Variants in RNF138 observed in about 807,000 individuals in gnomAD.
RNF138 encodes the protein E3 ubiquitin-protein ligase RNF138.
A neutral mutation model predicts 31.0 loss-of-function variants in RNF138; 12 were observed. The ratio of observed to expected loss-of-function variants is 0.39; its 90% CI spans 0.25 to 0.63. The LOEUF is 0.63. RNF138 is among the 20% of genes least tolerant of loss of function. RNF138 has a pLI of 0.52. For missense variants in RNF138, 192 were observed against 300.1 expected (o/e 0.64, Z 2.66); for synonymous variants, 105 against 99.5 (o/e 1.06, Z -0.33).
chr18:32,112,254 C>T (rs1004392625), intron 3 of RNF138, among the ~76,000 whole-genome samples: 7 of 152,122 alleles, frequency 4.6e-5, no homozygotes, highest in Non-Finnish European at 8.8e-5. Flanking sequence ...ACAAATTCAC[C>T]CCTTAAGTTT....
intron 2 of RNF138, among the ~76,000 whole-genome samples, chr18:32,101,238 A>G (rs1410537092): frequency 6.7e-6 from 1 of 148,262 alleles, no homozygotes; most frequent in African/African-American, 2.5e-5. Context: ...TTTCAAAGAC[A>G]GAGTCTGGCT....
In RNF138 at chr18:32,131,513, T is replaced by TAA. The variant is rs1302355088; in HGVS notation, c.*2327_*2328insAA. On this transcript the variant is annotated 3_prime_UTR_variant, in exon 8 of 8. Transcript: ENST00000261593. Reference sequence around the variant, plus strand: ...CAGTTTTATTGTTAAAACAGAGTCTTATTTGAGATGTATTGCTTTATTTTT... The same window carrying TAA: ...CAGTTTTATTGTTAAAACAGAGTCTTAAATTTGAGATGTATTGCTTTATTTTT... 6.6e-6 allele frequency: 1 copy of TAA among 152,214 alleles called. No homozygotes were observed. Among genetic ancestry groups the TAA allele is most frequent in the Non-Finnish European group, 1.5e-5 (1 of 68,016 alleles). The allele number at this position is 152,214 out of a possible 1,614,324, so 9.4% of individuals were successfully genotyped here.
rs778679208 is a variant in RNF138 at position 32,113,857 on chromosome 18, A to G, written c.389A>G (p.Asn130Ser). 6 of 1,387,002 alleles carry G rather than the reference A, an allele frequency of 4.3e-6. No homozygotes were observed. The highest frequency in any genetic ancestry group is 6.0e-6 in the Non-Finnish European group (6 of 1,002,130). The allele number at this position is 1,387,002 out of a possible 1,614,324, so 85.9% of individuals were successfully genotyped here. A position where few individuals can be genotyped will look rare whatever the true frequency, so the allele number is the denominator to read the frequency against. Residue 130 changes from asparagine (N) to serine (S), a missense_variant, in exon 4 of 8, where the codon AAC becomes AGC. Asn to Ser is a conservative substitution (Grantham distance 46, BLOSUM62 1). Coordinates refer to ENST00000261593, the MANE Select transcript of RNF138 (RefSeq NM_016271.5). ...CAGATCTCTCAAGATTCAGTAGGGA[A>G]CAGGTAAGCAATACTTATTCCTAAA... Reference protein sequence around the residue: ...NFQISQDSVGNSNRSETSTSD... With the variant: ...NFQISQDSVGSSNRSETSTSD...
rs377116014 is a variant in RNF138, at chr18:32,126,165, C to T, written c.562-528C>T. ...ATCCCAGCACTTTGGGAGGCCAAGGCGGGAGGATTGCTTGAGCTCAGGAAT... is the reference window on the plus strand; with the variant it reads ...ATCCCAGCACTTTGGGAGGCCAAGGTGGGAGGATTGCTTGAGCTCAGGAAT... On this transcript the variant is annotated intron_variant, in intron 6 of 7. Transcript: ENST00000261593. 7.9e-5 allele frequency among the ~76,000 whole-genome samples: 12 copies of T among 151,480 alleles called. No homozygotes were observed. The East Asian group carries it at 9.9e-4, about 12-fold the overall frequency.
chr18:32,106,548 T>TTTTATTTTATTTA (rs2040031402), intron 2 of RNF138, among the ~76,000 whole-genome samples: 1 of 146,804 alleles, frequency 6.8e-6, no homozygotes, highest in African/African-American at 2.5e-5. Flanking sequence ...TTTTATTTTA[T>TTTTATTTTATTTA]TTTATTTATT....
chr18:32,115,424 G>A (rs1019495290), intron 4 of RNF138, among the ~76,000 whole-genome samples: 4 of 151,864 alleles, frequency 2.6e-5, no homozygotes, highest in African/African-American at 7.2e-5. Flanking sequence ...ACATTCTATC[G>A]CCAAAGTAAT....
chr18:32,116,541 A>C (rs1219218816), intron 4 of RNF138, among the ~76,000 whole-genome samples: 1 of 149,506 alleles, frequency 6.7e-6, no homozygotes, highest in African/African-American at 2.5e-5. Flanking sequence ...TAAATTTTTA[A>C]ATTTATTTTG....
intron 2 of RNF138, among the ~76,000 whole-genome samples, chr18:32,099,850 T>C (rs1338700483): frequency 5.9e-5 from 9 of 152,240 alleles, no homozygotes; most frequent in Non-Finnish European, 1.0e-4. Flanking sequence ...CCTACTAATA[T>C]ATCGTTTCAC....
At position 32,131,305 on chromosome 18, in the gene RNF138, CT is replaced by C. The variant is rs1279400438; in HGVS notation, c.*2119del. ...TGAAAATGATTGTTTAAAATTTCCC[CT>C]CTTTTTGTCAGTGCATTGGGAATAG... On this transcript the variant is annotated 3_prime_UTR_variant, in exon 8 of 8. Transcript: ENST00000261593. 2.9e-5 allele frequency: 4 copies of C among 136,148 alleles called. No homozygotes were observed. The East Asian group carries it at 9.2e-4, about 31-fold the overall frequency. 8.4% of individuals were successfully genotyped at this position (136,148 alleles called of 1,614,324 possible). A position where few individuals can be genotyped will look rare whatever the true frequency, so the allele number is the denominator to read the frequency against.
chr18:32,124,369 A>T (rs1339840467), intron 5 of RNF138: 2 of 168,240 alleles, frequency 1.2e-5, no homozygotes, highest in African/African-American at 4.8e-5. Flanking sequence ...GTGGAATACT[A>T]CAGAATATTA....
At position 32,113,868 on chromosome 18, in the gene RNF138, A is replaced by G. The variant is rs747859034; in HGVS notation, c.392+8A>G. 9.7e-6 allele frequency: 12 copies of G among 1,240,078 alleles called. No homozygotes were observed. The highest frequency in any genetic ancestry group is 1.4e-5 in the Non-Finnish European group (12 of 871,236). The allele number at this position is 1,240,078 out of a possible 1,614,324, so 76.8% of individuals were successfully genotyped here. On this transcript the variant is annotated splice_region_variant and intron_variant, in intron 4 of 7. Coordinates refer to ENST00000261593, the MANE Select transcript of RNF138 (RefSeq NM_016271.5). ...AGATTCAGTAGGGAACAGGTAAGCA[A>G]TACTTATTCCTAAATACAGAATTTT...
At chr18:32,106,548 T>TTTTATTTATTTATTTA (rs58517415) in intron 2 of RNF138, among the ~76,000 whole-genome samples, 1 of 146,804 alleles carries the variant, frequency 6.8e-6, no homozygotes, top group African/African-American at 2.5e-5. Context: ...TTTTATTTTA[T>TTTTATTTATTTATTTA]TTTATTTATT....
intron 4 of RNF138, among the ~76,000 whole-genome samples, chr18:32,119,559 G>C (rs1193503135): frequency 1.3e-5 from 2 of 152,176 alleles, no homozygotes; most frequent in African/African-American, 4.8e-5. Context: ...GAGTAGCTGG[G>C]ACTACAGGCA....
chr18:32,112,729 A>G (rs1373252556), intron 3 of RNF138, among the ~76,000 whole-genome samples: 1 of 152,250 alleles, frequency 6.6e-6, no homozygotes, highest in East Asian at 1.9e-4. Context: ...GTTAATTTTA[A>G]GGAACATGTA....
chr18:32,093,947 T>C (rs1414286163), intron 2 of RNF138, among the ~76,000 whole-genome samples: 1 of 152,126 alleles, frequency 6.6e-6, no homozygotes, highest in Non-Finnish European at 1.5e-5. Context: ...GAAATCTTTA[T>C]TTATTTATTT....
At chr18:32,109,635 C>CCCAA in intron 2 of RNF138, 1 of 152,374 alleles carries the variant, frequency 6.6e-6, no homozygotes, top group East Asian at 1.9e-4. Flanking sequence ...CGCCTGTAAT[C>CCCAA]CCAACACTTT....
chr18:32,092,583 C>CTGCGCCTACT, intron 1 of RNF138, 117 bp from the exon 2 acceptor site: 1 of 578,398 alleles, frequency 1.7e-6, no homozygotes, highest in Non-Finnish European at 3.1e-6. Flanking sequence ...GCCTCTTGCC[C>CTGCGCCTACT]GGCGCGTGCG....
chr18:32,123,576 TA>T lies in RNF138; in HGVS notation c.449+4del. On this transcript the variant is annotated splice_donor_region_variant and intron_variant, in intron 5 of 7. Transcript: ENST00000261593. ...AGAAACTTACCAAGAGAATACAAGG[TA>T]AGCTTTTGAAAAATCCTGCCACTTT... The T allele has an allele frequency of 6.3e-7, 1 of 1,580,308 alleles. No homozygotes were observed. The highest frequency in any genetic ancestry group is 1.8e-5 in the Admixed American group (1 of 54,938).
chr18:32,120,864 C>T (rs1280225498), intron 4 of RNF138, among the ~76,000 whole-genome samples: 1 of 152,164 alleles, frequency 6.6e-6, no homozygotes, highest in African/African-American at 2.4e-5. Flanking sequence ...ATAGTACTGG[C>T]TGGGGGCGGT....
Sources: gnomAD v4.1 joint callset for allele counts (sites outside exome capture counted in the v4.1 genomes callset) on GRCh38, gnomAD v4.1.1 for gene constraint, MANE v1.5 for transcripts, NCBI Gene and HGNC (gene_info 2026-07-23, HGNC 2026-07-21) for gene names.